Variants in DYDC2 observed in about 807,000 individuals in gnomAD.
The protein encoded by DYDC2 is DPY30 domain containing 2.
DYDC2 carries 19 observed loss-of-function variants against 18.7 expected under a neutral mutation model. That is an observed-to-expected ratio of 1.02 (90% CI 0.71 to 1.49). DYDC2 has a LOEUF of 1.49. DYDC2 is among the 40% of genes most tolerant of loss of function. DYDC2 has a pLI of 0.00. For missense variants in DYDC2, 179 were observed against 205.1 expected, an observed-to-expected ratio of 0.87 and a Z score of 0.78; for synonymous variants, 63 against 67.6, an observed-to-expected ratio of 0.93 and a Z score of 0.34.
At chr10:80,357,866 A>G (rs1843483595) in intron 1 of DYDC2, 27 bp from the exon 2 acceptor site, 1 of 985,358 alleles carries the variant, frequency 1.0e-6, no homozygotes, top group African/African-American at 1.7e-5. Context: ...GAACTCTCTC[A>G]ATGAATAAGT....
intron 1 of DYDC2, among the ~76,000 whole-genome samples, chr10:80,346,444 CTTT>C (rs1032729095): frequency 2.5e-4 from 21 of 83,354 alleles, no homozygotes; most frequent in South Asian, 1.1e-3. Flanking sequence ...TCTTCCCTTT[CTTT>C]TTTTTTTTTT....
At chr10:80,356,585 T>C, upstream of DYDC2, 3 of 985,470 alleles carry the variant, frequency 3.0e-6, no homozygotes, top group Non-Finnish European at 3.6e-6. Context: ...AAGCGGCCTC[T>C]CTCCGCCTCA....
chr10:80,357,157 C>G (rs1332979167), intron 1 of DYDC2, among the ~76,000 whole-genome samples: 1 of 107,546 alleles, frequency 9.3e-6, no homozygotes. Flanking sequence ...AGAGCGCGCA[C>G]GAGGGGGCAA....
chr10:80,365,901 C>G (rs1349211953), intron 4 of DYDC2, among the ~76,000 whole-genome samples: 2 of 151,980 alleles, frequency 1.3e-5, no homozygotes, highest in East Asian at 1.9e-4. Context: ...TTCTCATTTT[C>G]TCTGCTGATA....
intron 4 of DYDC2, among the ~76,000 whole-genome samples, chr10:80,364,167 A>C (rs1406402716): frequency 6.6e-6 from 1 of 152,232 alleles, no homozygotes; most frequent in African/African-American, 2.4e-5. Context: ...AAGACATGAA[A>C]ATATTAAGCT....
intron 1 of DYDC2, among the ~76,000 whole-genome samples, chr10:80,349,054 G>C (rs1564664586): frequency 6.6e-6 from 1 of 152,058 alleles, no homozygotes; most frequent in Non-Finnish European, 1.5e-5. Flanking sequence ...ACCACGCCCG[G>C]CTAATTTTTT....
At chr10:80,346,524 G>T (rs866542691) in intron 1 of DYDC2, among the ~76,000 whole-genome samples, 2 of 141,348 alleles carry the variant, frequency 1.4e-5, no homozygotes, top group Non-Finnish European at 3.0e-5. Flanking sequence ...GCAGTGGCGC[G>T]ATCTCAGCTC....
chr10:80,353,410 C>G (rs1843125054), upstream of DYDC2, among the ~76,000 whole-genome samples: 1 of 151,002 alleles, frequency 6.6e-6, no homozygotes, highest in African/African-American at 2.4e-5. Flanking sequence ...GATCCGCCCA[C>G]CTCGGCCTCC....
intron 1 of DYDC2, among the ~76,000 whole-genome samples, chr10:80,346,089 C>T (rs905732798): frequency 6.6e-5 from 10 of 152,206 alleles, no homozygotes; most frequent in African/African-American, 2.4e-4. Flanking sequence ...CTCAAGTGAT[C>T]CTCAGGCCTC....
At chr10:80,351,648 A>G (rs1194655397) in intron 1 of DYDC2, among the ~76,000 whole-genome samples, 1 of 152,144 alleles carries the variant, frequency 6.6e-6, no homozygotes, top group Non-Finnish European at 1.5e-5. Flanking sequence ...TCTTACCTGG[A>G]GGTATGGCAT....
In DYDC2 at chr10:80,362,968, C is replaced by T; in HGVS notation, c.165C>T (p.Ile55=). ...CACCCCAGAATAGGGAAAAGAAGAT[C>T]CACCTGCAGGAGGAATATGACAGTA... ...KAKEENREKK[I]HLQEEYDSSL... Residue 55 remains isoleucine, a synonymous_variant, in exon 4 of 5, where the codon ATC becomes ATT. Transcript: ENST00000256039. 6.2e-7 allele frequency: 1 copy of T among 1,613,520 alleles called. No homozygotes were observed. The highest frequency in any genetic ancestry group is 2.2e-5 in the East Asian group (1 of 44,864).
intron 4 of DYDC2, among the ~76,000 whole-genome samples, chr10:80,365,824 T>G (rs562733455): frequency 2.6e-5 from 4 of 152,328 alleles, no homozygotes; most frequent in East Asian, 3.9e-4. Context: ...GGGGATTCTG[T>G]GGATTTTTTC....
intron 4 of DYDC2, among the ~76,000 whole-genome samples, chr10:80,363,342 T>G (rs983823269): frequency 0.016 from 220 of 14,106 alleles, 2 homozygotes; most frequent in African/African-American, 0.12. Flanking sequence ...ATCTGTTTTT[T>G]TTTTTTTTTT....
chr10:80,347,532 T>C (rs1054693485), intron 1 of DYDC2, among the ~76,000 whole-genome samples: 24 of 152,180 alleles, frequency 1.6e-4, no homozygotes, highest in African/African-American at 5.8e-4. Context: ...CCAAGACCAA[T>C]GTCAAGGAGC....
chr10:80,361,053 G>A (rs534881466), intron 2 of DYDC2, among the ~76,000 whole-genome samples: 18 of 152,038 alleles, frequency 1.2e-4, no homozygotes, highest in Non-Finnish European at 2.2e-4. Flanking sequence ...ATTTATAGGC[G>A]TGCACCACCA....
rs779556800 is a variant in DYDC2, at chr10:80,366,678, T to G, written c.271-10T>G. 2 of 1,579,692 alleles carry G rather than the reference T, an allele frequency of 1.3e-6. No individual in the cohort carries two copies. The highest frequency in any genetic ancestry group is 1.7e-6 in the Non-Finnish European group (2 of 1,164,532). ...ATAATAAGTTTTCGGCTTTTTTGTT[T>G]TCTATTTAGGAACTGACTTCTGAAA... On this transcript the variant is annotated splice_polypyrimidine_tract_variant and intron_variant, in intron 4 of 4. Coordinates refer to ENST00000256039, the MANE Select transcript of DYDC2 (RefSeq NM_032372.6).
upstream of DYDC2, chr10:80,352,788 G>A: frequency 1.4e-6 from 1 of 698,044 alleles, no homozygotes; most frequent in Non-Finnish European, 2.0e-6. Flanking sequence ...TTCCAAAAGG[G>A]CTCCAAGGAA....
At chr10:80,345,081 G>A (rs1024973593) in intron 1 of DYDC2, among the ~76,000 whole-genome samples, 1 of 152,110 alleles carries the variant, frequency 6.6e-6, no homozygotes, top group Non-Finnish European at 1.5e-5. Flanking sequence ...AAGCCGGGAA[G>A]TGTTCATCAT....
At chr10:80,356,904 C>T in intron 1 of DYDC2, 79 bp downstream of exon 1, 2 of 953,352 alleles carry the variant, frequency 2.1e-6, no homozygotes, top group African/African-American at 1.9e-5. Context: ...TAGGAGCAGG[C>T]GGCAGAGTAG....
Sources: gnomAD v4.1 joint callset for allele counts (sites outside exome capture counted in the v4.1 genomes callset) on GRCh38, gnomAD v4.1.1 for gene constraint, MANE v1.5 for transcripts, NCBI Gene and HGNC (gene_info 2026-07-23, HGNC 2026-07-21) for gene names.